SP4: variants seen among roughly 807,000 people sequenced by gnomAD.
SP4 encodes the protein Sp4 transcription factor, also known as transcription factor Sp4.
In SP4, 19 loss-of-function variants were observed where a neutral mutation model predicts 72.8. That is an observed-to-expected ratio of 0.26 (90% CI 0.18 to 0.38). SP4 has a LOEUF of 0.38. SP4 is among the 10% of genes least tolerant of loss of function. The pLI is 1.00. For synonymous variants in SP4, 395 were observed against 333.1 expected, an observed-to-expected ratio of 1.19 and a Z score of -2.02; for missense variants, 1,008 against 926.3, an observed-to-expected ratio of 1.09 and a Z score of -1.14.
chr7:21,429,201 A>G (rs1336824196), intron 2 of SP4, 88 bp from the exon 3 acceptor site: 2 of 685,074 alleles, frequency 2.9e-6, no homozygotes, highest in Non-Finnish European at 5.0e-6. Context: ...CTGTCAAAAT[A>G]AGTAACCCCC....
chr7:21,507,225 G>A (rs1281370911), intron 5 of SP4, among the ~76,000 whole-genome samples: 2 of 152,166 alleles, frequency 1.3e-5, no homozygotes, highest in African/African-American at 4.8e-5. Context: ...CTTGCAAGAG[G>A]AGCATTTACA....
intron 5 of SP4, among the ~76,000 whole-genome samples, chr7:21,497,927 A>G (rs1781764232): frequency 6.6e-6 from 1 of 152,230 alleles, no homozygotes; most frequent in African/African-American, 2.4e-5. Context: ...CCAGTTTCTC[A>G]GAACTGCCTA....
At chr7:21,461,666 C>A (rs1783993378) in intron 3 of SP4, among the ~76,000 whole-genome samples, 1 of 152,198 alleles carries the variant, frequency 6.6e-6, no homozygotes, top group African/African-American at 2.4e-5. Flanking sequence ...CAGCTGCAGC[C>A]TCGGCCAGCC....
intron 5 of SP4, among the ~76,000 whole-genome samples, chr7:21,505,702 G>A (rs1781978017): frequency 6.6e-6 from 1 of 151,706 alleles, no homozygotes; most frequent in African/African-American, 2.4e-5. Context: ...ACCACAGGGT[G>A]GTAGGTCTGG....
intron 5 of SP4, among the ~76,000 whole-genome samples, chr7:21,492,073 T>TA (rs902846722): frequency 4.6e-5 from 7 of 152,104 alleles, no homozygotes; most frequent in Non-Finnish European, 7.4e-5. Context: ...TATTTACAGT[T>TA]AAAAAAAATT....
Position 21,429,990 on chromosome 7 carries a change from T to C in SP4, c.825T>C (p.Ala275=), listed in dbSNP as rs1352151780. The change falls in exon 3 of 6, where the codon GCT becomes GCC. Residue 275 remains alanine (A), a synonymous_variant. Coordinates refer to ENST00000222584, the MANE Select transcript of SP4 (RefSeq NM_003112.5). Reference sequence around the variant, plus strand: ...CTTTGCCAGTGATAAACAACGTGGCTGCCGGAGGAGGGACTGGGCAGGTTG... The same window carrying C: ...CTTTGCCAGTGATAAACAACGTGGCCGCCGGAGGAGGGACTGGGCAGGTTG... The part of the protein sequence containing the change: ...TLALPVINNV[A]AGGGTGQVGQ... The C allele has an allele frequency of 6.2e-7, 1 of 1,614,212 alleles. No individual in the cohort carries two copies. The highest frequency in any genetic ancestry group is 1.7e-5 in the Admixed American group (1 of 60,028).
chr7:21,430,105 A>G lies in SP4; in HGVS notation c.940A>G (p.Met314Val), dbSNP rs780307479. 1.9e-6 allele frequency: 3 copies of G among 1,614,114 alleles called. No individual in the cohort carries two copies. The highest frequency in any genetic ancestry group is 1.6e-4 in the Middle Eastern group (1 of 6,062). Residue 314 changes from methionine to valine, a missense_variant, in exon 3 of 6, where the codon ATG (methionine) becomes GTG (valine). Around this residue, in one of 3 missense-constraint regions of SP4, gnomAD observed 893 missense variants for 743.3 expected, o/e 1.20. Transcript: ENST00000222584. ...CAACACCACTACTTCTGCCAGTACT[A>G]TGCCAGAATCTCCCTCCTCCTCCAC... is the stretch of plus-strand genomic sequence containing the variant. Reference protein sequence around the residue: ...PTNTTTSASTMPESPSSSTTC... With the variant: ...PTNTTTSASTVPESPSSSTTC...
chr7:21,456,678 T>A (rs75003323), intron 3 of SP4, among the ~76,000 whole-genome samples: 2,086 of 152,028 alleles, frequency 0.014, 47 homozygotes, highest in East Asian at 0.083. Context: ...GGAGAAAAGG[T>A]GGTGTGAGTT....
chr7:21,450,772 C>T (rs756625557), intron 3 of SP4, among the ~76,000 whole-genome samples: 17 of 152,192 alleles, frequency 1.1e-4, no homozygotes, highest in African/African-American at 3.4e-4. Context: ...TGTTAGTGGT[C>T]GTGAATCCAT....
intron 5 of SP4, among the ~76,000 whole-genome samples, chr7:21,498,286 G>C (rs868292471): frequency 6.6e-6 from 1 of 152,194 alleles, no homozygotes; most frequent in Non-Finnish European, 1.5e-5. Context: ...GGGAGGATGT[G>C]TGTAGGTTAT....
chr7:21,500,593 T>C (rs1781838968), intron 5 of SP4, among the ~76,000 whole-genome samples: 1 of 152,146 alleles, frequency 6.6e-6, no homozygotes, highest in African/African-American at 2.4e-5. Context: ...TGTTGTAGAA[T>C]GTAGGTCCTT....
chr7:21,480,613 A>C (rs992257350), intron 4 of SP4, among the ~76,000 whole-genome samples: 3 of 152,152 alleles, frequency 2.0e-5, no homozygotes, highest in African/African-American at 7.2e-5. Flanking sequence ...TTTGAGTCCT[A>C]CTTTCTTGGT....
At chr7:21,509,528 G>A (rs1782091495) in intron 5 of SP4, among the ~76,000 whole-genome samples, 1 of 151,680 alleles carries the variant, frequency 6.6e-6, no homozygotes, top group Non-Finnish European at 1.5e-5. Context: ...TGTGTGGTAT[G>A]ACATGGAGGT....
intron 5 of SP4, among the ~76,000 whole-genome samples, chr7:21,499,321 A>G (rs763166525): frequency 2.5e-4 from 38 of 152,202 alleles, no homozygotes; most frequent in Admixed American, 1.3e-3. Flanking sequence ...TAATCCTAGT[A>G]TCTGTGAATG....
intron 4 of SP4, among the ~76,000 whole-genome samples, chr7:21,480,967 C>A (rs745562388): frequency 3.3e-5 from 5 of 152,136 alleles, no homozygotes; most frequent in Non-Finnish European, 7.4e-5. Flanking sequence ...GAGACAGTGG[C>A]TTTCTTTCTG....
intron 5 of SP4, among the ~76,000 whole-genome samples, chr7:21,484,770 G>C (rs1784769599): frequency 6.6e-6 from 1 of 151,742 alleles, no homozygotes; most frequent in African/African-American, 2.4e-5. Flanking sequence ...CATTATGATT[G>C]CTTCATTTTG....
intron 1 of SP4, 80 bp downstream of exon 1, chr7:21,428,338 C>A (rs1280144005): frequency 1.3e-6 from 1 of 744,800 alleles, no homozygotes; most frequent in East Asian, 2.7e-5. Flanking sequence ...CGGTTCTCCC[C>A]CCTCCCCCGG....
chr7:21,428,334 T>C, intron 1 of SP4, 76 bp downstream of exon 1: 1 of 742,326 alleles, frequency 1.3e-6, no homozygotes, highest in East Asian at 2.7e-5. Flanking sequence ...TGCTCGGTTC[T>C]CCCCCCTCCC....
chr7:21,429,249 T>C (rs746317435), intron 2 of SP4, 40 bp from the exon 3 acceptor site: 3 of 1,176,520 alleles, frequency 2.5e-6, no homozygotes, highest in East Asian at 2.6e-5. Flanking sequence ...GCCCACTTTT[T>C]TTCCCCCCCC....
Sources: gnomAD v4.1 joint callset for allele counts (sites outside exome capture counted in the v4.1 genomes callset) on GRCh38, gnomAD v4.1.1 for gene constraint, gnomAD v4.1.1 regional missense constraint, MANE v1.5 for transcripts, NCBI Gene and HGNC (gene_info 2026-07-23, HGNC 2026-07-21) for gene names.